The following CIDEB variants were observed in gnomAD, a reference collection of about 807,000 sequenced individuals.
CIDEB encodes the protein lipid transferase CIDEB.
Under a neutral mutation model 22.4 loss-of-function variants are expected in CIDEB, and 27 were observed. That is an observed-to-expected ratio of 1.21 (90% CI 0.89 to 1.66). CIDEB has a LOEUF of 1.66. Ranked by LOEUF, CIDEB falls within the 40% of genes most tolerant of loss-of-function variation. The pLI is 0.00. For missense variants in CIDEB, 289 were observed against 268.7 expected (o/e 1.08, Z -0.53); for synonymous variants, 103 against 109.5 (o/e 0.94, Z 0.37).
chr14:24,307,159 C>A, intron 2 of CIDEB: 1 of 470,734 alleles, frequency 2.1e-6, no homozygotes, highest in African/African-American at 2.0e-5. Context: ...CTCTCCCTAT[C>A]TCCTGCTAAC....
At chr14:24,307,219 A>C in intron 2 of CIDEB, 152 bp downstream of exon 2, 6 of 757,584 alleles carry the variant, frequency 7.9e-6, no homozygotes, top group Non-Finnish European at 1.3e-5. Flanking sequence ...CAAATTGACC[A>C]GAGCTCATTA....
chr14:24,310,969 C>T (rs1302161136), upstream of CIDEB: 5 of 1,591,428 alleles, frequency 3.1e-6, no homozygotes, highest in Admixed American at 1.7e-5. Context: ...TACGTGTGCG[C>T]GCTCAGCATG....
Position 24,307,896 on chromosome 14 carries a change from T to G in CIDEB, c.-38A>C, listed in dbSNP as rs2041570281. Reference sequence around the variant, plus strand: ...AGTTCCTTCCCTGGAACTTCTGGGCTGGGTGGTTCTCTCCTGTGCTGGGGC... The same window carrying G: ...AGTTCCTTCCCTGGAACTTCTGGGCGGGGTGGTTCTCTCCTGTGCTGGGGC... On this transcript the variant is annotated 5_prime_UTR_variant, in exon 1 of 5. Transcript: ENST00000554411. 6.4e-7 allele frequency: 1 copy of G among 1,556,198 alleles called. No homozygotes were observed. The highest frequency in any genetic ancestry group is 8.7e-7 in the Non-Finnish European group (1 of 1,145,464).
rs201509437 is a variant in CIDEB, at chr14:24,306,363, A to G, written c.336+11T>C. 2.2e-5 allele frequency: 35 copies of G among 1,614,092 alleles called. No homozygotes were observed. The highest frequency in any genetic ancestry group is 2.6e-5 in the Non-Finnish European group (31 of 1,180,034). On this transcript the variant is annotated intron_variant, in intron 3 of 4. Transcript: ENST00000554411. Reference sequence around the variant, plus strand: ...CAGGCATTGGAAGCAGCCCCAGTATAGGCCTCTTACCCTTGTAGGGCTCCA... The same window carrying G: ...CAGGCATTGGAAGCAGCCCCAGTATGGGCCTCTTACCCTTGTAGGGCTCCA...
chr14:24,307,628 C>G (rs1388890604), intron 1 of CIDEB, 113 bp from the exon 2 acceptor site: 1 of 1,303,320 alleles, frequency 7.7e-7, no homozygotes, highest in Non-Finnish European at 1.1e-6. Flanking sequence ...CTAGGTTTAT[C>G]GATTAGGGAT....
At chr14:24,310,975 G>A, upstream of CIDEB, 3 of 1,591,292 alleles carry the variant, frequency 1.9e-6, no homozygotes, top group Non-Finnish European at 2.5e-6. Flanking sequence ...TGCGCGCTCA[G>A]CATGTACGCC....
chr14:24,307,980 G>A (rs2041572885), upstream of CIDEB: 8 of 915,252 alleles, frequency 8.7e-6, no homozygotes, highest in African/African-American at 1.6e-5. Context: ...GTGGGAATGA[G>A]TCAAGCCTGG....
In CIDEB at chr14:24,306,075, T is replaced by C. The variant is rs1180381300; in HGVS notation, c.399A>G (p.Arg133=). The change falls in exon 4 of 5, where the codon CGA becomes CGG. Residue 133 remains arginine (R), a synonymous_variant. Transcript: ENST00000554411. ...TTTGCTTGTACACGTCAAAGGTGAA[T>C]CGGGCGATGTCCTTGCTGTGCTTGG... ...ERPKHSKDIA[R]FTFDVYKQNP... 2.5e-6 allele frequency: 4 copies of C among 1,614,006 alleles called. No homozygotes were observed. The African/African-American group carries it at 5.3e-5, about 22-fold the overall frequency.
chr14:24,310,891 C>T (rs761907733), upstream of CIDEB: 6 of 1,593,038 alleles, frequency 3.8e-6, no homozygotes, highest in Non-Finnish European at 5.1e-6. Flanking sequence ...CTGCTCACGC[C>T]GCTCTTTGTG....
rs142940048 is a variant in CIDEB, at chr14:24,306,063, G to T, written c.411C>A (p.Asp137Glu). 1 of 1,614,048 alleles carries T rather than the reference G, an allele frequency of 6.2e-7. No individual in the cohort carries two copies. The highest frequency in any genetic ancestry group is 1.3e-5 in the African/African-American group (1 of 74,910). The change falls in exon 4 of 5, where the codon GAC becomes GAA. Residue 137 changes from aspartate (D) to glutamate (E), a missense_variant. Transcript: ENST00000554411. ...HSKDIARFTF[D>E]VYKQNPRDLF... Reference sequence around the variant, plus strand: ...GGTCTCGAGGGTTTTGCTTGTACACGTCAAAGGTGAATCGGGCGATGTCCT... The same window carrying T: ...GGTCTCGAGGGTTTTGCTTGTACACTTCAAAGGTGAATCGGGCGATGTCCT...
chr14:24,311,228 C>G (rs1950503), upstream of CIDEB: 2 of 1,608,838 alleles, frequency 1.2e-6, no homozygotes, highest in Non-Finnish European at 1.7e-6. Context: ...AGACTCTGAC[C>G]GCTTTCGTGC....
At chr14:24,311,408 G>A, upstream of CIDEB, 3 of 1,601,698 alleles carry the variant, frequency 1.9e-6, no homozygotes, top group Non-Finnish European at 2.5e-6. Context: ...TTCTGCAGGC[G>A]GTCGCAGCGC....
intron 4 of CIDEB, 44 bp downstream of exon 4, chr14:24,305,903 T>TC: frequency 6.3e-7 from 1 of 1,594,856 alleles, no homozygotes; most frequent in Non-Finnish European, 8.6e-7. Flanking sequence ...ATGGGGACTA[T>TC]CCAACTGTAG....
At chr14:24,305,863 T>C (rs1445672695) in intron 4 of CIDEB, 84 bp downstream of exon 4, 11 of 1,581,730 alleles carry the variant, frequency 7.0e-6, no homozygotes, top group Non-Finnish European at 9.5e-6. Context: ...AAGAGCTAAC[T>C]AGGGGTAGGT....
chr14:24,307,171 C>G, intron 2 of CIDEB, 200 bp downstream of exon 2: 1 of 535,290 alleles, frequency 1.9e-6, no homozygotes, highest in Non-Finnish European at 3.3e-6. Flanking sequence ...CCTGCTAACC[C>G]CTGCTCCCAT....
At position 24,307,800 on chromosome 14, in the gene CIDEB, C is replaced by CGGAG; in HGVS notation, c.41+14_41+17dup. 6.3e-7 allele frequency: 1 copy of CGGAG among 1,588,170 alleles called. No homozygotes were observed. Among genetic ancestry groups the CGGAG allele is most frequent in the African/African-American group, 1.3e-5 (1 of 74,624 alleles). On this transcript the variant is annotated intron_variant, in intron 1 of 4. Coordinates refer to ENST00000554411, the MANE Select transcript of CIDEB (RefSeq NM_001393339.1). ...TATCCCCTAAAGGTGGAGGGTAGAG[C>CGGAG]GGAGGGTTAGCAGTCACCTGAGTAA... is the stretch of plus-strand genomic sequence containing the variant.
Position 24,305,488 on chromosome 14 carries a change from T to C in CIDEB, c.*145A>G. The C allele has an allele frequency of 3.1e-6, 3 of 962,468 alleles. No homozygotes were observed. Among genetic ancestry groups the C allele is most frequent in the Non-Finnish European group, 4.6e-6 (3 of 649,460 alleles). The allele number at this position is 962,468 out of a possible 1,614,324, so 59.6% of individuals were successfully genotyped here. ...GGATGTGAGGCGTTATGCTGAAAGG[T>C]TCTGTCACGAGGGGATCAGAGGACA... On this transcript the variant is annotated 3_prime_UTR_variant, in exon 5 of 5. Coordinates refer to ENST00000554411, the MANE Select transcript of CIDEB (RefSeq NM_001393339.1).
intron 2 of CIDEB, chr14:24,307,114 C>A: frequency 2.6e-6 from 1 of 386,238 alleles, no homozygotes; most frequent in Non-Finnish European, 4.7e-6. Flanking sequence ...CACAAATCAC[C>A]TTTCCATACT....
chr14:24,308,495 C>G (rs1363429265), upstream of CIDEB: 1 of 153,768 alleles, frequency 6.5e-6, no homozygotes, highest in East Asian at 1.9e-4. Flanking sequence ...TTTCCTTCCT[C>G]CTTGGTCGGA....
Sources: gnomAD v4.1 joint callset for allele counts on GRCh38, gnomAD v4.1.1 for gene constraint, MANE v1.5 for transcripts, NCBI Gene and HGNC (gene_info 2026-07-23, HGNC 2026-07-21) for gene names.